The following CA8 variants were observed in gnomAD, a reference collection of about 807,000 sequenced individuals.
CA8 encodes carbonic anhydrase 8 (inactive), also known as carbonic anhydrase-related protein.
Under a neutral mutation model 41.4 loss-of-function variants are expected in CA8, and 22 were observed. That is an observed-to-expected ratio of 0.53 (90% CI 0.38 to 0.76). The LOEUF (loss-of-function observed/expected upper bound fraction) is 0.76. Ranked by LOEUF, CA8 falls within the 30% of genes least tolerant of loss-of-function variation. The pLI is 0.00. For missense variants in CA8, 270 were observed against 352.8 expected, an observed-to-expected ratio of 0.77 and a Z score of 1.88; for synonymous variants, 121 against 130.6, an observed-to-expected ratio of 0.93 and a Z score of 0.50.
At chr8:60,242,433 T>C (rs1335494481) in intron 3 of CA8, among the ~76,000 whole-genome samples, 2 of 152,198 alleles carry the variant, frequency 1.3e-5, no homozygotes, top group African/African-American at 4.8e-5. Context: ...ACAGGGAGTA[T>C]GGCTCTACCA....
At chr8:60,230,769 T>A (rs1486736564) in intron 4 of CA8, among the ~76,000 whole-genome samples, 1 of 152,224 alleles carries the variant, frequency 6.6e-6, no homozygotes, top group East Asian at 1.9e-4. Context: ...ATGCAGCTTG[T>A]TCTTGGAAAT....
chr8:60,230,470 C>T (rs76802947), intron 4 of CA8, among the ~76,000 whole-genome samples: 2,389 of 152,256 alleles, frequency 0.016, 50 homozygotes, highest in East Asian at 0.091. Flanking sequence ...CTTCCTTTGG[C>T]CAAGCTTCTT....
chr8:60,232,517 G>A (rs1807689137), intron 3 of CA8, 138 bp from the exon 4 acceptor site: 3 of 731,452 alleles, frequency 4.1e-6, no homozygotes, highest in Non-Finnish European at 7.5e-6. Flanking sequence ...ACAAACTACT[G>A]GCTTAATACG....
chr8:60,191,227 T>C (rs1228419042), intron 8 of CA8, among the ~76,000 whole-genome samples: 5 of 152,012 alleles, frequency 3.3e-5, no homozygotes. Flanking sequence ...TTAAAATATA[T>C]ACACATTGTG....
At chr8:60,208,703 GT>G (rs1806726779) in intron 8 of CA8, 46 bp downstream of exon 8, 18 of 1,527,146 alleles carry the variant, frequency 1.2e-5, no homozygotes, top group Non-Finnish European at 1.5e-5. Flanking sequence ...GGTACGCTAG[GT>G]TTAAGTAGCT....
rs749572922 is a variant in CA8, at chr8:60,222,652, T to C, written c.735A>G (p.Leu245=). ...AGATTCAAAGTAGCACACTCACCTG[T>C]AGCTGGGATATAGTTAAAGGGTATC... The part of the protein sequence containing the change: ...LFRYPLTISQ[L]QIEEFRRLRT... The change falls in exon 7 of 9, where the codon CTA becomes CTG. Residue 245 remains leucine (L), a synonymous_variant. Coordinates refer to ENST00000317995, the MANE Select transcript of CA8 (RefSeq NM_004056.6). 3.8e-6 allele frequency: 6 copies of C among 1,569,134 alleles called. No homozygotes were observed. The African/African-American group carries it at 4.1e-5, about 11-fold the overall frequency.
intron 8 of CA8, among the ~76,000 whole-genome samples, chr8:60,196,303 G>T (rs190043106): frequency 8.5e-5 from 13 of 152,278 alleles, no homozygotes; most frequent in African/African-American, 2.9e-4. Context: ...AAAGCACTGT[G>T]ATGTGCATTT....
chr8:60,194,269 G>T (rs1342580194), intron 8 of CA8, among the ~76,000 whole-genome samples: 1 of 152,086 alleles, frequency 6.6e-6, no homozygotes, highest in Non-Finnish European at 1.5e-5. Context: ...TCAAATATCT[G>T]TAACTGTTCA....
At chr8:60,209,880 C>A (rs1806774035) in intron 7 of CA8, among the ~76,000 whole-genome samples, 1 of 152,150 alleles carries the variant, frequency 6.6e-6, no homozygotes, top group Non-Finnish European at 1.5e-5. Context: ...GCCCATCAGC[C>A]ACCCTACAGT....
At chr8:60,244,727 A>G (rs1808164146) in intron 3 of CA8, among the ~76,000 whole-genome samples, 1 of 152,210 alleles carries the variant, frequency 6.6e-6, no homozygotes, top group Non-Finnish European at 1.5e-5. Context: ...ACAATTTACA[A>G]TAAAATGCAT....
In CA8 at chr8:60,227,088, G is replaced by A. The variant is rs6997366; in HGVS notation, c.514-153C>T. ...GGGTGGATCACAAGGTTAGGAGATC[G>A]AGGCCATCCTGGCTACCACAGTGAA... is the stretch of plus-strand genomic sequence containing the variant. On this transcript the variant is annotated intron_variant, in intron 4 of 8. Coordinates refer to ENST00000317995, the MANE Select transcript of CA8 (RefSeq NM_004056.6). 0.34 allele frequency among the ~76,000 whole-genome samples: 52,419 copies of A among 152,008 alleles called. 9,676 individuals are homozygous for A. Among genetic ancestry groups the A allele is most frequent in the Admixed American group, 0.43 (6,562 of 15,268 alleles).
chr8:60,192,983 C>A (rs1224308764), intron 8 of CA8, among the ~76,000 whole-genome samples: 1 of 146,496 alleles, frequency 6.8e-6, no homozygotes, highest in African/African-American at 2.5e-5. Context: ...ACACCCCACC[C>A]CATATGAACC....
At chr8:60,231,175 T>C (rs974954054) in intron 4 of CA8, among the ~76,000 whole-genome samples, 5 of 152,174 alleles carry the variant, frequency 3.3e-5, no homozygotes, top group African/African-American at 9.7e-5. Context: ...TCATTAATAT[T>C]TTGTGATTTC....
intron 7 of CA8, among the ~76,000 whole-genome samples, chr8:60,216,734 C>T (rs1044211641): frequency 1.3e-5 from 2 of 152,126 alleles, no homozygotes; most frequent in Non-Finnish European, 2.9e-5. Flanking sequence ...ATCATATCTA[C>T]AGGATCCGTT....
chr8:60,193,535 T>C (rs1353006167), intron 8 of CA8, among the ~76,000 whole-genome samples: 1 of 152,222 alleles, frequency 6.6e-6, no homozygotes, highest in Non-Finnish European at 1.5e-5. Flanking sequence ...AAATGACTAC[T>C]GTAACCACAC....
chr8:60,270,144 G>C (rs1804023006), intron 2 of CA8, among the ~76,000 whole-genome samples: 1 of 152,204 alleles, frequency 6.6e-6, no homozygotes, highest in Non-Finnish European at 1.5e-5. Flanking sequence ...GAACCATTGA[G>C]GGCTTTTAAT....
chr8:60,216,516 A>C (rs1807027726), intron 7 of CA8, among the ~76,000 whole-genome samples: 1 of 152,208 alleles, frequency 6.6e-6, no homozygotes, highest in South Asian at 2.1e-4. Flanking sequence ...GCATTCATTC[A>C]GCTTCGGCTC....
At chr8:60,252,379 C>T (rs894776895) in intron 3 of CA8, among the ~76,000 whole-genome samples, 6 of 152,314 alleles carry the variant, frequency 3.9e-5, no homozygotes, top group Non-Finnish European at 7.3e-5. Context: ...AATATCAATA[C>T]GTTAAGACCA....
At chr8:60,233,627 A>G (rs6992104) in intron 3 of CA8, among the ~76,000 whole-genome samples, 152,282 of 152,328 alleles carry the variant, frequency 1, 76,118 homozygotes, top group Non-Finnish European at 1. Flanking sequence ...TCCCTTCTCC[A>G]GCTGCAACAA....
Sources: allele counts gnomAD v4.1 joint callset (sites outside exome capture counted in the v4.1 genomes callset), GRCh38; gene constraint gnomAD v4.1.1; transcripts MANE v1.5; gene names NCBI Gene and HGNC (gene_info 2026-07-23, HGNC 2026-07-21).